Variants in HIPK1 observed in about 807,000 individuals in gnomAD.
HIPK1 encodes the protein homeodomain interacting protein kinase 1.
Under a neutral mutation model 117.1 loss-of-function variants are expected in HIPK1, and 28 were observed. The observed-to-expected ratio is 0.24, with a 90% CI of 0.18 to 0.33. The LOEUF (loss-of-function observed/expected upper bound fraction) is 0.33, where lower values mean the gene tolerates loss of function less well. Among genes scored for constraint, HIPK1 ranks in the 10% least tolerant of loss-of-function variants. HIPK1 has a pLI of 1.00. For missense variants in HIPK1, 1,122 were observed against 1,475.1 expected (o/e 0.76, Z 3.92); for synonymous variants, 605 against 562.5 (o/e 1.08, Z -1.07).
intron 1 of HIPK1, among the ~76,000 whole-genome samples, chr1:113,939,826 G>T (rs1398508645): frequency 6.6e-6 from 1 of 151,950 alleles, no homozygotes; most frequent in Admixed American, 6.6e-5. Flanking sequence ...GGCTTATTGA[G>T]CTGGAAGTGT....
intron 1 of HIPK1, among the ~76,000 whole-genome samples, chr1:113,931,120 A>G (rs923832702): frequency 6.6e-6 from 1 of 150,390 alleles, no homozygotes; most frequent in Non-Finnish European, 1.5e-5. Context: ...GCAAACCTAC[A>G]ATTTTCCTTT....
intron 8 of HIPK1, among the ~76,000 whole-genome samples, chr1:113,961,667 T>C (rs936672111): frequency 1.3e-5 from 2 of 152,132 alleles, no homozygotes; most frequent in African/African-American, 2.4e-5. Context: ...TGAATAATGC[T>C]GGGCACAGTG....
At chr1:113,947,880 T>C (rs1571678842) in intron 2 of HIPK1, among the ~76,000 whole-genome samples, 2 of 152,352 alleles carry the variant, frequency 1.3e-5, no homozygotes, top group South Asian at 4.1e-4. Flanking sequence ...TTCACTTTCC[T>C]GTGCTTCTGT....
chr1:113,963,256 G>A, intron 9 of HIPK1, 131 bp from the exon 10 acceptor site: 2 of 1,029,924 alleles, frequency 1.9e-6, no homozygotes, highest in African/African-American at 1.6e-5. Flanking sequence ...GTTGTGTTTG[G>A]TATATGCATT....
chr1:113,973,017 C>T lies in HIPK1; in HGVS notation c.3145-7C>T. The T allele has an allele frequency of 1.3e-6, 2 of 1,512,638 alleles. No individual in the cohort carries two copies. Among genetic ancestry groups the T allele is most frequent in the Non-Finnish European group, 8.8e-7 (1 of 1,130,580 alleles). 93.7% of individuals were successfully genotyped at this position (1,512,638 alleles called of 1,614,324 possible). ...AGGATTCCTCACTTCTTCCTTCTTT[C>T]TTCCAGAACCAGCAGTCATCGGCGG... On this transcript the variant is annotated splice_polypyrimidine_tract_variant and splice_region_variant and intron_variant, in intron 15 of 15. Transcript: ENST00000426820.
chr1:113,969,005 G>A (rs1571728686), intron 13 of HIPK1, among the ~76,000 whole-genome samples: 1 of 152,226 alleles, frequency 6.6e-6, no homozygotes, highest in South Asian at 2.1e-4. Flanking sequence ...GAGTGACAGA[G>A]CAAGACTGCA....
Position 113,977,732 on chromosome 1 carries a change from T to C in HIPK1, c.*4220T>C, listed in dbSNP as rs1673214966. On this transcript the variant is annotated 3_prime_UTR_variant, in exon 16 of 16. Transcript: ENST00000426820. Reference sequence around the variant, plus strand: ...TTTACAAAGTAGCTTGTATTTTCAGTATTTTCTACATAATATGGTAAAATG... The same window carrying C: ...TTTACAAAGTAGCTTGTATTTTCAGCATTTTCTACATAATATGGTAAAATG... The C allele has an allele frequency of 6.5e-6, 1 of 152,768 alleles. No individual in the cohort carries two copies. The highest frequency in any genetic ancestry group is 1.5e-5 in the Non-Finnish European group (1 of 68,046). The allele number at this position is 152,768 out of a possible 1,614,324, so 9.5% of individuals were successfully genotyped here. A position where few individuals can be genotyped will look rare whatever the true frequency, so the allele number is the denominator to read the frequency against.
chr1:113,933,855 G>T (rs1038834423), intron 1 of HIPK1, among the ~76,000 whole-genome samples: 7 of 152,126 alleles, frequency 4.6e-5, no homozygotes, highest in African/African-American at 7.2e-5. Context: ...GGGTGACAGA[G>T]TCTCAAATAA....
chr1:113,938,631 AG>A (rs1670409510), intron 1 of HIPK1, among the ~76,000 whole-genome samples: 1 of 151,764 alleles, frequency 6.6e-6, no homozygotes, highest in Non-Finnish European at 1.5e-5. Flanking sequence ...TTAGGAGGCC[AG>A]GGGCAGTGGC....
chr1:113,946,247 C>T (rs1046864768), intron 2 of HIPK1, among the ~76,000 whole-genome samples: 3 of 152,140 alleles, frequency 2.0e-5, no homozygotes, highest in African/African-American at 7.2e-5. Flanking sequence ...AAGAATTCAG[C>T]GCAGCATCCC....
Position 113,971,884 on chromosome 1 carries a change from G to C in HIPK1, c.3074G>C (p.Cys1025Ser), listed in dbSNP as rs1219161336. ...ASVSGQSSGC[C>S]ITPTGYRAQR... ...GTGAGTGGGCAGTCATCTGGATGCT[G>C]TATCACCCCCACAGGGTATCGAGCT... Residue 1025 changes from cysteine to serine, a missense_variant, in exon 15 of 16, where the codon TGT becomes TCT. Coordinates refer to ENST00000426820, the MANE Select transcript of HIPK1 (RefSeq NM_198268.3). 5.6e-6 allele frequency: 9 copies of C among 1,603,288 alleles called. No homozygotes were observed. The highest frequency in any genetic ancestry group is 1.8e-5 in the Admixed American group (1 of 56,814).
At chr1:113,943,049 A>G (rs1301492348) in intron 2 of HIPK1, among the ~76,000 whole-genome samples, 1 of 152,236 alleles carries the variant, frequency 6.6e-6, no homozygotes, top group Non-Finnish European at 1.5e-5. Context: ...AAGGACTCAG[A>G]AAAAATGTCA....
chr1:113,945,645 CA>C (rs1414968722), intron 2 of HIPK1, among the ~76,000 whole-genome samples: 1 of 152,206 alleles, frequency 6.6e-6, no homozygotes, highest in African/African-American at 2.4e-5. Context: ...AACATATATA[CA>C]AATAATTCTT....
intron 2 of HIPK1, among the ~76,000 whole-genome samples, chr1:113,944,197 G>A (rs1373377504): frequency 1.0e-5 from 1 of 100,476 alleles, no homozygotes; most frequent in Non-Finnish European, 1.8e-5. Context: ...TTGAGATGGA[G>A]TTTCACTCTT....
At chr1:113,935,298 G>T (rs751329808) in intron 1 of HIPK1, among the ~76,000 whole-genome samples, 24 of 152,154 alleles carry the variant, frequency 1.6e-4, no homozygotes, top group Non-Finnish European at 2.9e-4. Flanking sequence ...TCTGTTCTGT[G>T]TTTGTTTAGG....
intron 13 of HIPK1, among the ~76,000 whole-genome samples, chr1:113,969,431 A>C (rs1472055168): frequency 6.6e-6 from 1 of 152,176 alleles, no homozygotes; most frequent in East Asian, 1.9e-4. Flanking sequence ...AATGGGGTTT[A>C]TAGTACCTAC....
At chr1:113,938,799 A>C (rs1449449704) in intron 1 of HIPK1, among the ~76,000 whole-genome samples, 5 of 151,686 alleles carry the variant, frequency 3.3e-5, no homozygotes, top group African/African-American at 4.8e-5. Context: ...ACTCTCAGCT[A>C]CTTGGGAGGC....
In HIPK1 at chr1:113,929,430, T is replaced by A; in HGVS notation, c.-105T>A. On this transcript the variant is annotated 5_prime_UTR_variant, in exon 1 of 16. Coordinates refer to ENST00000426820, the MANE Select transcript of HIPK1 (RefSeq NM_198268.3). ...TCCAGGCCCCGCACTCGATCCACGC[T>A]GGCTCCCTACGGAGGCCCACCTACT... 1 of 1,289,384 alleles carries A rather than the reference T, an allele frequency of 7.8e-7. No homozygotes were observed. The highest frequency in any genetic ancestry group is 1.2e-5 in the South Asian group (1 of 81,036). The allele number at this position is 1,289,384 out of a possible 1,614,324, so 79.9% of individuals were successfully genotyped here.
Position 113,971,971 on chromosome 1 carries a change from A to G in HIPK1, c.3144+17A>G, listed in dbSNP as rs199772457. ...CTTAGCCAGGTAAGTGCTATGGGCT[A>G]CTGCCTTCTGTTTGGGCCCTGCACT... On this transcript the variant is annotated intron_variant, in intron 15 of 15. Transcript: ENST00000426820. The G allele has an allele frequency of 6.2e-7, 1 of 1,612,888 alleles. No individual in the cohort carries two copies. The highest frequency in any genetic ancestry group is 1.1e-5 in the South Asian group (1 of 90,666).
Sources: gnomAD v4.1 joint callset for allele counts (sites outside exome capture counted in the v4.1 genomes callset) on GRCh38, gnomAD v4.1.1 for gene constraint, MANE v1.5 for transcripts, NCBI Gene and HGNC (gene_info 2026-07-23, HGNC 2026-07-21) for gene names.